SMAD3: variants seen among roughly 807,000 people sequenced by gnomAD.
The protein encoded by SMAD3 is SMAD family member 3, also known as MAD homolog 3.
A neutral mutation model predicts 51.8 loss-of-function variants in SMAD3; 12 were observed. That is an observed-to-expected ratio of 0.23 (90% CI 0.15 to 0.38). The LOEUF (loss-of-function observed/expected upper bound fraction) is 0.38, where lower values mean the gene tolerates loss of function less well. Among genes scored for constraint, SMAD3 ranks in the 10% least tolerant of loss-of-function variants. The pLI is 1.00. For missense variants in SMAD3, 294 were observed against 565.6 expected, an observed-to-expected ratio of 0.52 and a Z score of 4.87; for synonymous variants, 238 against 227.7, an observed-to-expected ratio of 1.05 and a Z score of -0.41.
chr15:67,090,519 A>G (rs985862529), intron 1 of SMAD3, among the ~76,000 whole-genome samples: 1 of 152,058 alleles, frequency 6.6e-6, no homozygotes, highest in Admixed American at 6.5e-5. Context: ...GTTGGGAAGA[A>G]TGGGGCAGGA....
At chr15:67,139,388 G>C (rs536332109) in intron 1 of SMAD3, among the ~76,000 whole-genome samples, 1 of 152,182 alleles carries the variant, frequency 6.6e-6, no homozygotes, top group South Asian at 2.1e-4. Flanking sequence ...ATTTTTATTA[G>C]GGGGAGGGGA....
intron 1 of SMAD3, among the ~76,000 whole-genome samples, chr15:67,092,345 A>C (rs533496777): frequency 3.3e-5 from 5 of 152,206 alleles, no homozygotes; most frequent in African/African-American, 1.2e-4. Context: ...TATTTTATCA[A>C]GTAGATGAAC....
At chr15:67,169,899 A>G (rs2140300382) in intron 4 of SMAD3, among the ~76,000 whole-genome samples, 1 of 152,284 alleles carries the variant, frequency 6.6e-6, no homozygotes. Context: ...TGTAGAGAAC[A>G]TAATAGAGTA....
At chr15:67,164,345 AGAG>A (rs1358383045) in intron 1 of SMAD3, among the ~76,000 whole-genome samples, 3 of 148,768 alleles carry the variant, frequency 2.0e-5, no homozygotes, top group Admixed American at 6.7e-5. Flanking sequence ...AAAAAAAAAA[AGAG>A]GAGGAAAGGC....
At chr15:67,120,683 T>TG (rs1961238823) in intron 1 of SMAD3, among the ~76,000 whole-genome samples, 1 of 152,092 alleles carries the variant, frequency 6.6e-6, no homozygotes, top group African/African-American at 2.4e-5. Flanking sequence ...AAATTGGGCC[T>TG]GGGAAATTGG....
chr15:67,073,334 T>G (rs1226279255), intron 1 of SMAD3, among the ~76,000 whole-genome samples: 1 of 152,236 alleles, frequency 6.6e-6, no homozygotes, highest in African/African-American at 2.4e-5. Flanking sequence ...TGTAGAATGT[T>G]TTGGCAGAGA....
intron 1 of SMAD3, among the ~76,000 whole-genome samples, chr15:67,130,467 T>A (rs1961497910): frequency 6.6e-6 from 1 of 152,308 alleles, no homozygotes; most frequent in Non-Finnish European, 1.5e-5. Context: ...GCGGCTGCAT[T>A]AGATTCTCAT....
intron 1 of SMAD3, among the ~76,000 whole-genome samples, chr15:67,156,250 T>G (rs1962280890): frequency 6.6e-6 from 1 of 152,152 alleles, no homozygotes; most frequent in South Asian, 2.1e-4. Flanking sequence ...ACAGAATAAA[T>G]GGAGGTGAAA....
chr15:67,193,582 T>C lies in SMAD3; in HGVS notation c.*3046T>C, dbSNP rs984542040. On this transcript the variant is annotated 3_prime_UTR_variant, in exon 9 of 9. Coordinates refer to ENST00000327367, the MANE Select transcript of SMAD3 (RefSeq NM_005902.4). ...CCTGGCAGGCTGTAGACCTGACATT[T>C]TGAGACAAGCCTAGAGGAGTCAGGA... 4.6e-5 allele frequency: 7 copies of C among 150,598 alleles called. No individual in the cohort carries two copies. The highest frequency in any genetic ancestry group is 7.2e-5 in the Non-Finnish European group (6 of 83,164). 9.3% of individuals were successfully genotyped at this position (150,598 alleles called of 1,614,324 possible).
intron 1 of SMAD3, among the ~76,000 whole-genome samples, chr15:67,080,535 T>G (rs1035343589): frequency 3.9e-5 from 6 of 152,180 alleles, no homozygotes; most frequent in Admixed American, 2.0e-4. Context: ...TTGGATGATA[T>G]TTAATGGCCA....
At position 67,192,013 on chromosome 15, in the gene SMAD3, G is replaced by C. The variant is rs542786788; in HGVS notation, c.*1477G>C. ...GTAGACAGAACTGCCACCTTCAATT[G>C]GTACTTTATTCTTTGCTGCTGTTTT... is the stretch of plus-strand genomic sequence containing the variant. On this transcript the variant is annotated 3_prime_UTR_variant, in exon 9 of 9. Transcript: ENST00000327367. 12 of 231,068 alleles carry C rather than the reference G, an allele frequency of 5.2e-5. No homozygotes were observed. The South Asian group carries it at 2.0e-3, about 39-fold the overall frequency. The allele number at this position is 231,068 out of a possible 1,614,324, so 14.3% of individuals were successfully genotyped here. A position where few individuals can be genotyped will look rare whatever the true frequency, so the allele number is the denominator to read the frequency against.
At chr15:67,098,287 C>G (rs188001652) in intron 1 of SMAD3, among the ~76,000 whole-genome samples, 18 of 151,014 alleles carry the variant, frequency 1.2e-4, no homozygotes, top group East Asian at 5.9e-4. Context: ...ACTGCCCCCC[C>G]ACCCCACCAC....
At chr15:67,160,615 C>T (rs948463820) in intron 1 of SMAD3, among the ~76,000 whole-genome samples, 1 of 151,710 alleles carries the variant, frequency 6.6e-6, no homozygotes, top group Non-Finnish European at 1.5e-5. Context: ...ACTAAAAATA[C>T]GAAAAATTAG....
At position 67,125,834 on chromosome 15, in the gene SMAD3, G is replaced by T. The variant is rs147703502; in HGVS notation, c.207-39061G>T. ...CACTGACCATAAGAGCAACATGTGG[G>T]CAAGAGCCGCGGCACTGGGGTAATT... On this transcript the variant is annotated intron_variant, in intron 1 of 8. Transcript: ENST00000327367. 5 of 985,454 alleles carry T rather than the reference G, an allele frequency of 5.1e-6. No individual in the cohort carries two copies. In the African/African-American group the frequency reaches 8.7e-5, roughly 17 times the overall value. 61.0% of individuals were successfully genotyped at this position (985,454 alleles called of 1,614,324 possible). A position where few individuals can be genotyped will look rare whatever the true frequency, so the allele number is the denominator to read the frequency against.
chr15:67,162,184 G>A (rs939096364), intron 1 of SMAD3, among the ~76,000 whole-genome samples: 1 of 152,082 alleles, frequency 6.6e-6, no homozygotes, highest in Non-Finnish European at 1.5e-5. Flanking sequence ...TCTTTGGTTG[G>A]TGCTGTTGGT....
intron 1 of SMAD3, among the ~76,000 whole-genome samples, chr15:67,078,720 A>C (rs1040277177): frequency 6.6e-6 from 1 of 152,090 alleles, no homozygotes; most frequent in African/African-American, 2.4e-5. Context: ...GAAACCTCTT[A>C]ACTGAAGGCA....
At chr15:67,118,860 C>A (rs34305009) in intron 1 of SMAD3, among the ~76,000 whole-genome samples, 1 of 152,160 alleles carries the variant, frequency 6.6e-6, no homozygotes, top group Admixed American at 6.5e-5. Context: ...CTCTTTGTGT[C>A]CCTTGAGCTC....
chr15:67,069,546 A>G (rs897863561), intron 1 of SMAD3, among the ~76,000 whole-genome samples: 11 of 152,208 alleles, frequency 7.2e-5, no homozygotes, highest in Admixed American at 2.6e-4. Context: ...CAGGGAATCC[A>G]TGCCTTGGCC....
At chr15:67,158,185 A>G (rs929324306) in intron 1 of SMAD3, among the ~76,000 whole-genome samples, 1 of 152,218 alleles carries the variant, frequency 6.6e-6, no homozygotes, top group African/African-American at 2.4e-5. Flanking sequence ...TATTGGATTT[A>G]CTTAATGGGC....
Sources: gnomAD v4.1 joint callset for allele counts (sites outside exome capture counted in the v4.1 genomes callset) on GRCh38, gnomAD v4.1.1 for gene constraint, MANE v1.5 for transcripts, NCBI Gene and HGNC (gene_info 2026-07-23, HGNC 2026-07-21) for gene names.